TNN: variants seen among roughly 807,000 people sequenced by gnomAD.
TNN encodes tenascin N.
Under a neutral mutation model 134.4 loss-of-function variants are expected in TNN, and 122 were observed. The observed-to-expected ratio is 0.91, with a 90% CI of 0.78 to 1.06. The LOEUF (loss-of-function observed/expected upper bound fraction) is 1.06, where lower values mean the gene tolerates loss of function less well. Among genes scored for constraint, TNN ranks in the 50% least tolerant of loss-of-function variants. The pLI is 0.00. For synonymous variants in TNN, 710 were observed against 670.3 expected (o/e 1.06, Z -0.91); for missense variants, 1,739 against 1,699.4 (o/e 1.02, Z -0.41).
At chr1:175,096,485 C>G (rs1023016489) in intron 7 of TNN, among the ~76,000 whole-genome samples, 1 of 152,158 alleles carries the variant, frequency 6.6e-6, no homozygotes, top group African/African-American at 2.4e-5. Context: ...TGGCCTGTCC[C>G]CCTTGGCAAG....
At chr1:175,131,501 T>C (rs1675672330) in intron 15 of TNN, among the ~76,000 whole-genome samples, 1 of 152,212 alleles carries the variant, frequency 6.6e-6, no homozygotes, top group African/African-American at 2.4e-5. Context: ...TAGTTCATTA[T>C]AGGGTGTTTT....
At chr1:175,122,055 C>T (rs1675390945) in intron 11 of TNN, among the ~76,000 whole-genome samples, 1 of 152,034 alleles carries the variant, frequency 6.6e-6, no homozygotes, top group Non-Finnish European at 1.5e-5. Context: ...AAGCCATGGG[C>T]ATGAGTGAGA....
intron 11 of TNN, among the ~76,000 whole-genome samples, chr1:175,119,728 G>A (rs891600512): frequency 4.1e-5 from 6 of 146,206 alleles, no homozygotes; most frequent in South Asian, 4.4e-4. Context: ...TCCGCCTCCC[G>A]GGTTCATGCC....
Position 175,085,394 on chromosome 1 carries a change from C to T in TNN, c.1235-11C>T, listed in dbSNP as rs776947114. On this transcript the variant is annotated splice_polypyrimidine_tract_variant and intron_variant, in intron 5 of 18. Coordinates refer to ENST00000239462, the MANE Select transcript of TNN (RefSeq NM_022093.2). ...CTGCACTCACATCCTGCGCTGCCTG[C>T]TTGTTTCCAGGTCTGCACCCGGGGA... 4 of 1,590,868 alleles carry T rather than the reference C, an allele frequency of 2.5e-6. No individual in the cohort carries two copies. Among genetic ancestry groups the T allele is most frequent in the Non-Finnish European group, 3.4e-6 (4 of 1,160,094 alleles).
At chr1:175,094,399 A>G in intron 7 of TNN, 146 bp downstream of exon 7, 1 of 645,716 alleles carries the variant, frequency 1.5e-6, no homozygotes, top group Non-Finnish European at 2.4e-6. Context: ...TGATTTTCAT[A>G]ATTATATATA....
rs71117597 is a variant in TNN, at chr1:175,134,547, AAAAC to A, written c.3331-1287_3331-1284del. Among the ~76,000 whole-genome samples the A allele has an allele frequency of 1.5e-4, 23 of 151,486 alleles. 1 individual carries two copies. The highest frequency in any genetic ancestry group is 2.8e-4 in the Non-Finnish European group (19 of 67,874). On this transcript the variant is annotated intron_variant, in intron 15 of 18. Transcript: ENST00000239462. The stretch of plus-strand genomic sequence containing the variant: ...GCAACAGAGTGAGACTCCATCTCAA[AAAAC>A]AAACAAACAACAACAACAACAAAAA...
At chr1:175,125,720 T>C (rs534291968) in intron 12 of TNN, among the ~76,000 whole-genome samples, 5 of 102,320 alleles carry the variant, frequency 4.9e-5, no homozygotes, top group African/African-American at 2.9e-4. Context: ...TTTCTTTCTT[T>C]CTTTCTTTCT....
Position 175,144,553 on chromosome 1 carries a change from A to G in TNN, c.3759+3A>G, listed in dbSNP as rs1676019417. Reference sequence around the variant, plus strand: ...ATGGGGAGACCAAGCACAGTGAGGTAGGTGACAGGTGAATGTCTTTTCTGT... The same window carrying G: ...ATGGGGAGACCAAGCACAGTGAGGTGGGTGACAGGTGAATGTCTTTTCTGT... On this transcript the variant is annotated splice_donor_region_variant and intron_variant, in intron 18 of 18. Transcript: ENST00000239462. 6.2e-7 allele frequency: 1 copy of G among 1,613,794 alleles called. No homozygotes were observed. Among genetic ancestry groups the G allele is most frequent in the Non-Finnish European group, 8.5e-7 (1 of 1,179,810 alleles).
intron 5 of TNN, among the ~76,000 whole-genome samples, chr1:175,084,604 G>A (rs1416652164): frequency 6.6e-6 from 1 of 152,218 alleles, no homozygotes; most frequent in Non-Finnish European, 1.5e-5. Flanking sequence ...CCGTGAAAGT[G>A]TGGGGCTTAT....
At chr1:175,102,204 G>A (rs924429874) in intron 9 of TNN, among the ~76,000 whole-genome samples, 4 of 145,738 alleles carry the variant, frequency 2.7e-5, no homozygotes, top group African/African-American at 7.5e-5. Context: ...GACTCTCCAC[G>A]TCCCCACCAG....
chr1:175,080,913 A>G (rs1458171012), intron 4 of TNN, among the ~76,000 whole-genome samples: 1 of 152,230 alleles, frequency 6.6e-6, no homozygotes, highest in African/African-American at 2.4e-5. Context: ...GTGACACACT[A>G]AGACCTGCAT....
chr1:175,104,764 A>G (rs567274470), intron 9 of TNN, among the ~76,000 whole-genome samples: 1 of 145,790 alleles, frequency 6.9e-6, no homozygotes, highest in African/African-American at 2.5e-5. Flanking sequence ...TAATAAACTT[A>G]TCTTTTAGAA....
intron 1 of TNN, among the ~76,000 whole-genome samples, chr1:175,071,396 C>G (rs1487899854): frequency 1.3e-5 from 2 of 152,144 alleles, no homozygotes; most frequent in Non-Finnish European, 2.9e-5. Flanking sequence ...GGCTTGGATG[C>G]CATCTGCCCC....
intron 7 of TNN, among the ~76,000 whole-genome samples, chr1:175,094,459 CAGA>C (rs1386844792): frequency 6.6e-6 from 1 of 152,174 alleles, no homozygotes; most frequent in Non-Finnish European, 1.5e-5. Flanking sequence ...TCACTTGATG[CAGA>C]AGGTCATACT....
At position 175,079,372 on chromosome 1, in the gene TNN, T is replaced by C; in HGVS notation, c.449T>C (p.Leu150Pro). Residue 150 changes from leucine (L) to proline (P), a missense_variant, in exon 3 of 19, where the codon CTG becomes CCG. Leu to Pro is a moderately conservative substitution (Grantham distance 98). Transcript: ENST00000239462. ...TGCAGCGGCCACGGGACCTTCTCCC[T>C]GGAGACCTGCAGCTGCCACTGCGAA... is the stretch of plus-strand genomic sequence containing the variant. ...RHCSGHGTFSLETCSCHCEEG... is the reference protein window; with the variant it reads ...RHCSGHGTFSPETCSCHCEEG... 6.3e-7 allele frequency: 1 copy of C among 1,598,010 alleles called. No individual in the cohort carries two copies. Among genetic ancestry groups the C allele is most frequent in the Non-Finnish European group, 8.5e-7 (1 of 1,176,794 alleles).
chr1:175,121,278 A>G (rs6703913), intron 11 of TNN, among the ~76,000 whole-genome samples: 136,073 of 152,206 alleles, frequency 0.89, 61,075 homozygotes, highest in African/African-American at 0.95. Flanking sequence ...GGATTTTGGC[A>G]AAAACTAGCC....
intron 13 of TNN, 79 bp downstream of exon 13, chr1:175,127,164 G>T (rs905361011): frequency 5.2e-6 from 8 of 1,539,498 alleles, no homozygotes; most frequent in Admixed American, 1.9e-5. Context: ...CAGCTCATTT[G>T]CTGGCCTCAC....
At chr1:175,104,902 C>A (rs1452858412) in intron 9 of TNN, among the ~76,000 whole-genome samples, 1 of 145,708 alleles carries the variant, frequency 6.9e-6, no homozygotes, top group Non-Finnish European at 1.5e-5. Context: ...TTGAATAATT[C>A]ATGGGCTTTT....
At chr1:175,125,436 A>G (rs532877312) in intron 12 of TNN, among the ~76,000 whole-genome samples, 99 of 151,942 alleles carry the variant, frequency 6.5e-4, no homozygotes, top group African/African-American at 2.3e-3. Flanking sequence ...CCTGGTCTAC[A>G]GTGCACACTT....
Sources: gnomAD v4.1 joint callset for allele counts (sites outside exome capture counted in the v4.1 genomes callset) on GRCh38, gnomAD v4.1.1 for gene constraint, MANE v1.5 for transcripts, NCBI Gene and HGNC (gene_info 2026-07-23, HGNC 2026-07-21) for gene names.